Variants in CREM observed in about 807,000 individuals in gnomAD.
CREM encodes the protein cAMP-responsive element modulator.
In CREM, 13 loss-of-function variants were observed where a neutral mutation model predicts 37.3. That is an observed-to-expected ratio of 0.35 (90% CI 0.23 to 0.55). The LOEUF (loss-of-function observed/expected upper bound fraction) is 0.55, where lower values mean the gene tolerates loss of function less well. Ranked by LOEUF, CREM falls within the 20% of genes least tolerant of loss-of-function variation. CREM has a pLI of 0.88. For missense variants in CREM, 296 were observed against 362.3 expected (o/e 0.82, Z 1.49); for synonymous variants, 124 against 120.2 (o/e 1.03, Z -0.21).
intron 6 of CREM, among the ~76,000 whole-genome samples, chr10:35,193,035 AC>A (rs943025213): frequency 3.9e-5 from 6 of 152,102 alleles, no homozygotes; most frequent in Non-Finnish European, 8.8e-5. Flanking sequence ...TGATAAGAAT[AC>A]GTTCCCCGAG....
In CREM at chr10:35,139,616, ATTGT is replaced by A. The variant is rs559142623; in HGVS notation, c.44+1740_44+1743del. 2.6e-3 allele frequency among the ~76,000 whole-genome samples: 399 copies of A among 152,306 alleles called. 2 individuals carry two copies. Among genetic ancestry groups the A allele is most frequent in the African/African-American group, 7.7e-3 (319 of 41,572 alleles). On this transcript the variant is annotated intron_variant, in intron 2 of 7. Coordinates refer to ENST00000685392, the MANE Select transcript of CREM (RefSeq NM_183011.2). ...GGTTCTTTTCTCTCTAAAAAGGATT[ATTGT>A]TTAAGATTAAAATACTACATAGTTA...
At chr10:35,162,011 A>G (rs1214725411) in intron 3 of CREM, among the ~76,000 whole-genome samples, 1 of 152,226 alleles carries the variant, frequency 6.6e-6, no homozygotes, top group Non-Finnish European at 1.5e-5. Flanking sequence ...TGGCCAAGAT[A>G]CGGAATCAGC....
intron 3 of CREM, chr10:35,175,758 G>A (rs1280736252): frequency 6.2e-7 from 1 of 1,614,054 alleles, no homozygotes; most frequent in African/African-American, 1.3e-5. Context: ...AAGAGAAGTA[G>A]GCCAGTCATA....
At chr10:35,161,639 G>A (rs1260921385) in intron 3 of CREM, among the ~76,000 whole-genome samples, 2 of 151,068 alleles carry the variant, frequency 1.3e-5, no homozygotes, top group African/African-American at 4.9e-5. Flanking sequence ...CTCCAGCCTG[G>A]GCAACAGAGT....
intron 1 of CREM, among the ~76,000 whole-genome samples, chr10:35,128,519 T>G (rs1288390028): frequency 6.7e-6 from 1 of 149,162 alleles, no homozygotes; most frequent in Admixed American, 6.8e-5. Flanking sequence ...CACGTTTTTT[T>G]CCTAGTCTTT....
chr10:35,175,631 G>T, intron 3 of CREM: 1 of 1,591,316 alleles, frequency 6.3e-7, no homozygotes, highest in South Asian at 1.1e-5. Context: ...CACCAAAAGC[G>T]ATAAGGAGCA....
At chr10:35,133,262 C>T (rs1038489000) in intron 1 of CREM, among the ~76,000 whole-genome samples, 5 of 151,428 alleles carry the variant, frequency 3.3e-5, no homozygotes, top group African/African-American at 9.7e-5. Flanking sequence ...TAATATTTCC[C>T]GTAAGTCATA....
chr10:35,172,305 T>C (rs2093858281), intron 3 of CREM, among the ~76,000 whole-genome samples: 1 of 152,138 alleles, frequency 6.6e-6, no homozygotes, highest in Non-Finnish European at 1.5e-5. Context: ...GTGTAGGGGC[T>C]AGATTAGTGT....
rs1449958666 is a variant in CREM at position 35,179,177 on chromosome 10, A to G, written c.310A>G (p.Lys104Glu). ...ELSSDVPGVP[K>E]IEEERSEEEG... is the part of the protein sequence containing the mutation. Reference sequence around the variant, plus strand: ...GTCCTCTGATGTGCCTGGTGTTCCCAAGATTGAAGAAGAGAGATCAGAGGA... The same window carrying G: ...GTCCTCTGATGTGCCTGGTGTTCCCGAGATTGAAGAAGAGAGATCAGAGGA... The change falls in exon 5 of 8, where the codon AAG becomes GAG. Residue 104 changes from lysine (K) to glutamate (E), a missense_variant. Physicochemically the swap from Lys to Glu is moderately conservative, Grantham distance 56 (BLOSUM62 1). Transcript: ENST00000685392. 10 of 1,613,868 alleles carry G rather than the reference A, an allele frequency of 6.2e-6. No individual in the cohort carries two copies. Among genetic ancestry groups the G allele is most frequent in the Non-Finnish European group, 7.6e-6 (9 of 1,179,930 alleles).
chr10:35,143,494 T>G (rs966948889), intron 2 of CREM, among the ~76,000 whole-genome samples: 2 of 152,132 alleles, frequency 1.3e-5, no homozygotes, highest in Non-Finnish European at 2.9e-5. Flanking sequence ...ATTTGCACAT[T>G]GGCAATGTCC....
At chr10:35,195,191 T>C in intron 6 of CREM, 13 of 1,614,008 alleles carry the variant, frequency 8.1e-6, no homozygotes, top group Non-Finnish European at 1.1e-5. Flanking sequence ...AAGCCCATTA[T>C]GGCTGTAACT....
At chr10:35,196,084 TCTGGCCAG>T (rs1466896366) in intron 6 of CREM, 1 of 1,614,062 alleles carries the variant, frequency 6.2e-7, no homozygotes, top group Non-Finnish European at 8.5e-7. Flanking sequence ...TCAGGAGTTG[TCTGGCCAG>T]CTTAGTGGTA....
At chr10:35,130,920 A>G (rs1039168192) in intron 1 of CREM, among the ~76,000 whole-genome samples, 5 of 152,210 alleles carry the variant, frequency 3.3e-5, no homozygotes, top group Admixed American at 1.3e-4. Context: ...AATGATATCT[A>G]TTTGCACATT....
intron 2 of CREM, among the ~76,000 whole-genome samples, chr10:35,141,971 CAAAAGGTAGGACTT>C (rs776020564): frequency 1.9e-4 from 29 of 152,238 alleles, no homozygotes; most frequent in Non-Finnish European, 3.5e-4. Flanking sequence ...AGGGATCAAA[CAAAAGGTAGGACTT>C]AAAATGTACG....
intron 5 of CREM, among the ~76,000 whole-genome samples, chr10:35,183,037 C>T (rs914739779): frequency 2.0e-5 from 3 of 152,182 alleles, no homozygotes; most frequent in Non-Finnish European, 2.9e-5. Context: ...TAAATTTCCT[C>T]TTGAAACAAA....
chr10:35,196,764 ATCTT>A (rs1322991961), intron 6 of CREM, among the ~76,000 whole-genome samples: 1 of 151,750 alleles, frequency 6.6e-6, no homozygotes, highest in African/African-American at 2.4e-5. Context: ...ATTGGTTAAT[ATCTT>A]TCTTTACCAA....
chr10:35,176,302 C>T (rs538557305), intron 3 of CREM, among the ~76,000 whole-genome samples: 11 of 152,168 alleles, frequency 7.2e-5, no homozygotes, highest in Admixed American at 5.9e-4. Context: ...TTTAGCAATG[C>T]TCCCCAAGGG....
intron 3 of CREM, among the ~76,000 whole-genome samples, chr10:35,160,478 A>G (rs1182331393): frequency 1.3e-5 from 2 of 152,246 alleles, no homozygotes; most frequent in East Asian, 3.9e-4. Flanking sequence ...AGTTCACTGC[A>G]GCCTCAAACT....
chr10:35,155,874 C>T (rs2092872807), intron 3 of CREM, among the ~76,000 whole-genome samples: 1 of 151,684 alleles, frequency 6.6e-6, no homozygotes, highest in Non-Finnish European at 1.5e-5. Flanking sequence ...TGTGATCCAC[C>T]CGCCTCAGCC....
Sources: gnomAD v4.1 joint callset for allele counts (sites outside exome capture counted in the v4.1 genomes callset) on GRCh38, gnomAD v4.1.1 for gene constraint, MANE v1.5 for transcripts, NCBI Gene and HGNC (gene_info 2026-07-23, HGNC 2026-07-21) for gene names.